GPC3: variants seen among roughly 807,000 people sequenced by gnomAD.
The protein encoded by GPC3 is glypican-3.
A neutral mutation model predicts 34.4 loss-of-function variants in GPC3; 3 were observed. The observed-to-expected ratio is 0.09, with a 90% confidence interval of 0.04 to 0.23. GPC3 has a LOEUF of 0.23. GPC3 is among the 10% of genes least tolerant of loss of function. GPC3 has a pLI of 1.00. For synonymous variants in GPC3, 177 were observed against 174.0 expected (o/e 1.02, Z -0.13); for missense variants, 351 against 445.6 (o/e 0.79, Z 1.91).
At chrX:133,741,093 T>G (rs2071560343) in intron 3 of GPC3, among the ~76,000 whole-genome samples, 1 of 109,712 alleles carries the variant, frequency 9.1e-6, no homozygotes, top group African/African-American at 3.3e-5. Flanking sequence ...TCTCTGTCTC[T>G]CTCTATGTCC....
intron 2 of GPC3, among the ~76,000 whole-genome samples, chrX:133,795,691 C>T (rs1489136062): frequency 9.0e-6 from 1 of 111,071 alleles, no homozygotes; most frequent in African/African-American, 3.3e-5. Context: ...TATAAATTAT[C>T]TTGAGGCTTT....
At chrX:133,906,210 A>T (rs1369187830) in intron 2 of GPC3, among the ~76,000 whole-genome samples, 1 of 111,949 alleles carries the variant, frequency 8.9e-6, no homozygotes, top group African/African-American at 3.2e-5. Context: ...AAGAAAAAAA[A>T]TGCAAGTGAC....
chrX:133,705,225 G>A (rs1357090271), intron 3 of GPC3, among the ~76,000 whole-genome samples: 1 of 111,267 alleles, frequency 9.0e-6, no homozygotes, highest in Non-Finnish European at 1.9e-5. Flanking sequence ...ATTGAGACAG[G>A]GTCTTGCTCT....
chrX:133,881,079 T>C (rs1373093051), intron 2 of GPC3, among the ~76,000 whole-genome samples: 1 of 112,305 alleles, frequency 8.9e-6, no homozygotes, highest in Admixed American at 9.5e-5. Context: ...TGTTAATCAT[T>C]TGGTCATGCT....
intron 2 of GPC3, among the ~76,000 whole-genome samples, chrX:133,789,102 C>T (rs2072136634): frequency 9.0e-6 from 1 of 111,185 alleles, no homozygotes; most frequent in African/African-American, 3.3e-5. Flanking sequence ...TCCCAGTATT[C>T]ATCTGACTCA....
intron 1 of GPC3, among the ~76,000 whole-genome samples, chrX:133,958,369 C>T (rs1354950806): frequency 9.2e-6 from 1 of 108,856 alleles, no homozygotes; most frequent in Non-Finnish European, 1.9e-5. Context: ...AGTGAGACCC[C>T]GTCTCTATAA....
intron 6 of GPC3, among the ~76,000 whole-genome samples, chrX:133,623,985 G>A (rs1399552648): frequency 8.9e-6 from 1 of 111,946 alleles, no homozygotes; most frequent in Non-Finnish European, 1.9e-5. Flanking sequence ...AATCAAACTA[G>A]AACTGAGGAT....
rs1251024980 is a variant in GPC3 at position 133,892,392 on chromosome X, A to G, written c.337+60658T>C. On this transcript the variant is annotated intron_variant, in intron 2 of 7. Coordinates refer to ENST00000370818, the MANE Select transcript of GPC3 (RefSeq NM_004484.4). ...TTTCTGGTATGCTGCTCCCGTGGGCACCTCCTAAGTGGTTCAAGGAAAAGA... is the reference window on the plus strand; with the variant it reads ...TTTCTGGTATGCTGCTCCCGTGGGCGCCTCCTAAGTGGTTCAAGGAAAAGA... Among the ~76,000 whole-genome samples the G allele has an allele frequency of 2.7e-5, 3 of 110,436 alleles. No individual in the cohort carries two copies. The Admixed American group carries it at 2.9e-4, about 11-fold the overall frequency.
At chrX:133,638,802 C>T (rs2070453255) in intron 6 of GPC3, among the ~76,000 whole-genome samples, 1 of 101,333 alleles carries the variant, frequency 9.9e-6, no homozygotes, top group African/African-American at 4.0e-5. Context: ...TACACTAACA[C>T]TAACAATAGC....
At chrX:133,891,031 A>T (rs776196727) in intron 2 of GPC3, among the ~76,000 whole-genome samples, 72 of 108,866 alleles carry the variant, frequency 6.6e-4, no homozygotes, top group African/African-American at 2.2e-3. Context: ...ACTGTCTCTT[A>T]AAAAAAAATA....
At chrX:133,763,106 C>A in intron 2 of GPC3, 1 of 669,333 alleles carries the variant, frequency 1.5e-6, no homozygotes, top group Non-Finnish European at 2.4e-6. Context: ...GGCCGCTTCA[C>A]TCCTGGAATC....
chrX:133,831,871 C>T (rs2075776957), intron 2 of GPC3, among the ~76,000 whole-genome samples: 2 of 112,684 alleles, frequency 1.8e-5, no homozygotes, highest in Admixed American at 9.3e-5. Context: ...TAGGGGAGTA[C>T]AAATTAAAAC....
intron 7 of GPC3, among the ~76,000 whole-genome samples, chrX:133,563,871 C>A (rs1266395687): frequency 8.9e-6 from 1 of 111,875 alleles, no homozygotes; most frequent in East Asian, 2.8e-4. Flanking sequence ...GGGGCCCTAG[C>A]CAACTATTTC....
chrX:133,627,480 C>G (rs894127997), intron 6 of GPC3, among the ~76,000 whole-genome samples: 25 of 111,230 alleles, frequency 2.2e-4, no homozygotes, highest in African/African-American at 7.9e-4. Flanking sequence ...GACTGGATAC[C>G]AAGCCAGAAA....
intron 3 of GPC3, among the ~76,000 whole-genome samples, chrX:133,738,850 T>G (rs1267429814): frequency 9.0e-6 from 1 of 111,632 alleles, no homozygotes; most frequent in Non-Finnish European, 1.9e-5. Context: ...TATCCGAACA[T>G]CTGGGGGATA....
chrX:133,959,452 C>T (rs2076432687), intron 1 of GPC3, among the ~76,000 whole-genome samples: 1 of 112,173 alleles, frequency 8.9e-6, no homozygotes, highest in South Asian at 3.7e-4. Context: ...TCCAAATCAG[C>T]ATTAATGGCT....
rs184389408 is a variant in GPC3 at position 133,668,439 on chromosome X, G to A, written c.1293-6589C>T. Among the ~76,000 whole-genome samples, 277 of 111,312 alleles carry A rather than the reference G, an allele frequency of 2.5e-3. 1 individual carries two copies. The highest frequency in any genetic ancestry group is 8.3e-3 in the African/African-American group (254 of 30,653). ...GAGTCATGCTGACCTCACTGCTCTC[G>A]CATTGAAATGTACTGTGGGCACTGC... On this transcript the variant is annotated intron_variant, in intron 5 of 7. Transcript: ENST00000370818.
At chrX:133,978,344 C>T (rs1254771864) in intron 1 of GPC3, among the ~76,000 whole-genome samples, 2 of 112,018 alleles carry the variant, frequency 1.8e-5, no homozygotes, top group Non-Finnish European at 3.8e-5. Context: ...GTAACTGGCA[C>T]CAAGTTGCAT....
At chrX:133,723,754 C>A (rs909212986) in intron 3 of GPC3, among the ~76,000 whole-genome samples, 4 of 111,642 alleles carry the variant, frequency 3.6e-5, no homozygotes, top group African/African-American at 1.3e-4. Flanking sequence ...TTCCTGAGGC[C>A]CTCATCAGAA....
Sources: gnomAD v4.1 joint callset for allele counts (sites outside exome capture counted in the v4.1 genomes callset) on GRCh38, gnomAD v4.1.1 for gene constraint, MANE v1.5 for transcripts, NCBI Gene and HGNC (gene_info 2026-07-23, HGNC 2026-07-21) for gene names.